RBFOX1: variants seen among roughly 807,000 people sequenced by gnomAD.
The protein encoded by RBFOX1 is RNA binding protein fox-1 homolog 1.
Under a neutral mutation model 57.7 loss-of-function variants are expected in RBFOX1, and 8 were observed. That is an observed-to-expected ratio of 0.14 (90% CI 0.08 to 0.25). The LOEUF (loss-of-function observed/expected upper bound fraction) is 0.25, where lower values mean the gene tolerates loss of function less well. Among genes scored for constraint, RBFOX1 ranks in the 10% least tolerant of loss-of-function variants. RBFOX1 has a pLI of 1.00. For missense variants in RBFOX1, 611 were observed against 548.5 expected (o/e 1.11, Z -1.14); for synonymous variants, 326 against 222.4 (o/e 1.47, Z -4.15).
intron 14 of RBFOX1, among the ~76,000 whole-genome samples, chr16:7,704,896 A>G (rs1453229579): frequency 6.6e-6 from 1 of 151,996 alleles, no homozygotes; most frequent in East Asian, 1.9e-4. Context: ...AAAATGCAAA[A>G]TTTAGCCACG....
chr16:7,699,809 G>A (rs1209270524), intron 14 of RBFOX1, among the ~76,000 whole-genome samples: 1 of 151,716 alleles, frequency 6.6e-6, no homozygotes, highest in African/African-American at 2.4e-5. Flanking sequence ...CTTTTATTAT[G>A]TTTCTCTCAA....
rs191152770 is a variant in RBFOX1, at chr16:7,581,387, G to A, written c.414+1467G>A. Among the ~76,000 whole-genome samples, 225 of 152,248 alleles carry A rather than the reference G, an allele frequency of 1.5e-3. 1 individual carries two copies. Among genetic ancestry groups the A allele is most frequent in the African/African-American group, 5.3e-3 (219 of 41,538 alleles). ...CAGGTGTGAATGATGGGCGGTAAGA[G>A]GAGTTATATTCTCTTTGCCGTGTCA... On this transcript the variant is annotated intron_variant, in intron 6 of 15. Transcript: ENST00000550418.
chr16:7,244,503 T>C (rs2152987288), intron 4 of RBFOX1, among the ~76,000 whole-genome samples: 1 of 152,276 alleles, frequency 6.6e-6, no homozygotes, highest in African/African-American at 2.4e-5. Context: ...TTAAGTAAGA[T>C]TGTATTTTTG....
At chr16:5,922,651 A>G (rs1455131118) in intron 4 of RBFOX1, among the ~76,000 whole-genome samples, 2 of 152,318 alleles carry the variant, frequency 1.3e-5, no homozygotes, top group East Asian at 1.9e-4. Flanking sequence ...CATCCCCACC[A>G]TCAGTAACCA....
At chr16:6,200,571 A>G (rs1356952244) in intron 1 of RBFOX1, among the ~76,000 whole-genome samples, 1 of 152,228 alleles carries the variant, frequency 6.6e-6, no homozygotes, top group Non-Finnish European at 1.5e-5. Flanking sequence ...TGGGATTAAA[A>G]GCACCACACT....
At chr16:7,691,537 G>C (rs2077338900) in intron 14 of RBFOX1, among the ~76,000 whole-genome samples, 1 of 136,006 alleles carries the variant, frequency 7.4e-6, no homozygotes, top group African/African-American at 3.8e-5. Flanking sequence ...GACTCAAAAA[G>C]AATACTTTCA....
At chr16:6,804,705 A>G (rs1014203793) in intron 3 of RBFOX1, among the ~76,000 whole-genome samples, 12 of 152,158 alleles carry the variant, frequency 7.9e-5, no homozygotes, top group Admixed American at 6.5e-5. Context: ...CTCACACATG[A>G]CTGGGGCAGA....
intron 2 of RBFOX1, among the ~76,000 whole-genome samples, chr16:6,632,813 A>C (rs2098400961): frequency 6.6e-6 from 1 of 152,174 alleles, no homozygotes; most frequent in Non-Finnish European, 1.5e-5. Context: ...TCTTTTCATT[A>C]TATTTGCTAT....
chr16:7,200,987 A>C (rs1386727499), intron 4 of RBFOX1, among the ~76,000 whole-genome samples: 2 of 152,196 alleles, frequency 1.3e-5, no homozygotes, highest in Non-Finnish European at 1.5e-5. Context: ...GAGAAAAATT[A>C]ATCTATATTT....
At chr16:7,582,781 T>C (rs1418452872) in intron 6 of RBFOX1, among the ~76,000 whole-genome samples, 2 of 152,186 alleles carry the variant, frequency 1.3e-5, no homozygotes, top group African/African-American at 2.4e-5. Context: ...TGAGGACAAT[T>C]ACAGAGAAAA....
intron 4 of RBFOX1, among the ~76,000 whole-genome samples, chr16:7,151,752 C>T (rs1824827): frequency 0.39 from 58,946 of 151,506 alleles, 12,698 homozygotes; most frequent in African/African-American, 0.59. Flanking sequence ...TGCAACTAGA[C>T]AGTCCCATCT....
intron 5 of RBFOX1, among the ~76,000 whole-genome samples, chr16:7,534,658 G>A (rs1440286684): frequency 3.3e-5 from 5 of 152,126 alleles, no homozygotes; most frequent in Non-Finnish European, 7.4e-5. Flanking sequence ...GCTCAGCAGA[G>A]GGAGAACTAA....
At chr16:6,450,763 A>G (rs866142205) in intron 2 of RBFOX1, among the ~76,000 whole-genome samples, 2 of 35,382 alleles carry the variant, frequency 5.7e-5, no homozygotes, top group African/African-American at 1.3e-4. Flanking sequence ...ACATATATAT[A>G]TGTGTATATA....
intron 2 of RBFOX1, among the ~76,000 whole-genome samples, chr16:6,412,932 A>T (rs2093507043): frequency 6.6e-6 from 1 of 152,178 alleles, no homozygotes; most frequent in Admixed American, 6.5e-5. Context: ...TCAAAAACTG[A>T]TAATTTTGGA....
intron 3 of RBFOX1, among the ~76,000 whole-genome samples, chr16:6,772,909 G>A (rs550538858): frequency 1.1e-4 from 16 of 147,396 alleles, no homozygotes; most frequent in Non-Finnish European, 1.6e-4. Flanking sequence ...GTGTGTGTAA[G>A]TGTGGGCTTG....
chr16:7,593,162 T>G (rs1038855331), intron 7 of RBFOX1, among the ~76,000 whole-genome samples: 2 of 151,988 alleles, frequency 1.3e-5, no homozygotes, highest in East Asian at 3.9e-4. Context: ...AAATGAGAGG[T>G]CATGGAAATC....
intron 3 of RBFOX1, among the ~76,000 whole-genome samples, chr16:6,990,939 C>A (rs999127793): frequency 1.3e-5 from 2 of 151,916 alleles, no homozygotes; most frequent in Non-Finnish European, 2.9e-5. Flanking sequence ...CAATGAGAAC[C>A]ACCACATTGT....
chr16:5,611,630 T>C (rs1250509594), intron 3 of RBFOX1, among the ~76,000 whole-genome samples: 1 of 152,030 alleles, frequency 6.6e-6, no homozygotes, highest in East Asian at 1.9e-4. Flanking sequence ...ATCCATCTGT[T>C]CATCCAGCCA....
chr16:6,692,898 A>G (rs116839527), intron 3 of RBFOX1, among the ~76,000 whole-genome samples: 257 of 151,930 alleles, frequency 1.7e-3, no homozygotes, highest in African/African-American at 5.7e-3. Context: ...CACCATCATT[A>G]TCAGCATCAT....
Sources: allele counts gnomAD v4.1 joint callset (sites outside exome capture counted in the v4.1 genomes callset), GRCh38; gene constraint gnomAD v4.1.1; transcripts MANE v1.5; gene names NCBI Gene and HGNC (gene_info 2026-07-23, HGNC 2026-07-21).